Variants in IQGAP2 observed in about 807,000 individuals in gnomAD.
The protein encoded by IQGAP2 is ras GTPase-activating-like protein IQGAP2.
A neutral mutation model predicts 201.3 loss-of-function variants in IQGAP2; 173 were observed. The ratio of observed to expected loss-of-function variants is 0.86; its 90% CI spans 0.76 to 0.98. IQGAP2 has a LOEUF of 0.98. Among genes scored for constraint, IQGAP2 ranks in the 50% least tolerant of loss-of-function variants. The probability of loss-of-function intolerance (pLI) is 0.00; values close to 1 mark genes in which losing one functional copy is unlikely to be tolerated. For missense variants in IQGAP2, 1,687 were observed against 1,864.8 expected (o/e 0.90, Z 1.76); for synonymous variants, 675 against 673.9 (o/e 1.00, Z -0.03).
Position 76,413,156 on chromosome 5 carries a change from C to CTT in IQGAP2, c.46+9594_46+9595dup, listed in dbSNP as rs567410789. 1.6e-3 allele frequency among the ~76,000 whole-genome samples: 135 copies of CTT among 83,674 alleles called. 3 individuals carry two copies. Among genetic ancestry groups the CTT allele is most frequent in the Non-Finnish European group, 1.9e-3 (86 of 46,202 alleles). The allele number at this position is 83,674 out of a possible 152,430, so 54.9% of individuals were successfully genotyped here. A position where few individuals can be genotyped will look rare whatever the true frequency, so the allele number is the denominator to read the frequency against. Reference sequence around the variant, plus strand: ...TATTTTCTTTTTTCTTTTCTTTTCTCTTTTTTTTTTTTTTTTTTTTTTTTT... The same window carrying CTT: ...TATTTTCTTTTTTCTTTTCTTTTCTCTTTTTTTTTTTTTTTTTTTTTTTTTTT... On this transcript the variant is annotated intron_variant, in intron 1 of 35. Coordinates refer to ENST00000274364, the MANE Select transcript of IQGAP2 (RefSeq NM_006633.5).
chr5:76,696,105 T>A (rs1436518439), intron 32 of IQGAP2, among the ~76,000 whole-genome samples: 1 of 152,046 alleles, frequency 6.6e-6, no homozygotes, highest in South Asian at 2.1e-4. Context: ...AAGCAGTTGA[T>A]GACTTTTAAG....
At chr5:76,687,776 G>A (rs1745921746) in intron 30 of IQGAP2, among the ~76,000 whole-genome samples, 1 of 152,212 alleles carries the variant, frequency 6.6e-6, no homozygotes, top group Non-Finnish European at 1.5e-5. Context: ...ATCACCCACA[G>A]ATGGGACTGT....
chr5:76,576,776 C>G (rs1448205904), intron 5 of IQGAP2, among the ~76,000 whole-genome samples: 1 of 152,032 alleles, frequency 6.6e-6, no homozygotes, highest in Non-Finnish European at 1.5e-5. Flanking sequence ...AAATATAGAC[C>G]AAGTGTAGGT....
At chr5:76,406,668 T>C (rs1750811970) in intron 1 of IQGAP2, among the ~76,000 whole-genome samples, 1 of 152,220 alleles carries the variant, frequency 6.6e-6, no homozygotes, top group East Asian at 1.9e-4. Flanking sequence ...CTGTCGTAAG[T>C]TTTGTTCCAG....
intron 2 of IQGAP2, among the ~76,000 whole-genome samples, chr5:76,478,267 G>A (rs987704096): frequency 7.9e-5 from 12 of 151,776 alleles, no homozygotes; most frequent in Admixed American, 1.3e-4. Context: ...CAGGCGTGGT[G>A]GTGCATACCT....
intron 1 of IQGAP2, among the ~76,000 whole-genome samples, chr5:76,428,296 C>G (rs1752128460): frequency 6.6e-6 from 1 of 151,904 alleles, no homozygotes; most frequent in South Asian, 2.1e-4. Flanking sequence ...CTGCTGGGTA[C>G]CTGGGAAGGG....
intron 1 of IQGAP2, among the ~76,000 whole-genome samples, chr5:76,449,066 A>G (rs564656348): frequency 5.9e-5 from 9 of 152,178 alleles, no homozygotes; most frequent in Admixed American, 5.2e-4. Context: ...GTCTCCCTTC[A>G]CCTATTCTGG....
intron 25 of IQGAP2, 47 bp from the exon 26 acceptor site, chr5:76,673,905 T>G (rs745580844): frequency 8.8e-7 from 1 of 1,131,052 alleles, no homozygotes; most frequent in Non-Finnish European, 1.3e-6. Context: ...TTTTCCTCAC[T>G]CCGCCTTTTT....
chr5:76,701,040 A>T (rs468648), intron 33 of IQGAP2, 36 bp from the exon 34 acceptor site: 1 of 1,609,000 alleles, frequency 6.2e-7, no homozygotes, highest in South Asian at 1.1e-5. Flanking sequence ...TGCATTTGCC[A>T]TCATAACAAC....
chr5:76,706,515 T>G (rs1262520400), intron 35 of IQGAP2, among the ~76,000 whole-genome samples: 1 of 152,004 alleles, frequency 6.6e-6, no homozygotes, highest in Non-Finnish European at 1.5e-5. Context: ...GCCCAGCTAA[T>G]TTTTGTATTT....
chr5:76,658,711 A>G (rs887000645), intron 21 of IQGAP2, 44 bp downstream of exon 21: 11 of 1,505,922 alleles, frequency 7.3e-6, no homozygotes, highest in South Asian at 1.1e-5. Flanking sequence ...AAGAGGGAAG[A>G]CGCCTACATA....
intron 1 of IQGAP2, among the ~76,000 whole-genome samples, chr5:76,412,750 T>C (rs1356805136): frequency 6.6e-6 from 1 of 152,202 alleles, no homozygotes; most frequent in Non-Finnish European, 1.5e-5. Flanking sequence ...TTATTGTCTG[T>C]CTAATTAAAG....
chr5:76,581,543 T>C (rs1745850292), intron 5 of IQGAP2, among the ~76,000 whole-genome samples: 1 of 152,186 alleles, frequency 6.6e-6, no homozygotes, highest in South Asian at 2.1e-4. Context: ...CCTCTTTCTG[T>C]CCTAAATTAG....
At chr5:76,433,525 T>C (rs986129074) in intron 1 of IQGAP2, among the ~76,000 whole-genome samples, 5 of 152,166 alleles carry the variant, frequency 3.3e-5, no homozygotes, top group African/African-American at 9.7e-5. Flanking sequence ...CTCCCACCCC[T>C]TCAGACGTAG....
chr5:76,663,041 C>T (rs1743404588), intron 21 of IQGAP2, among the ~76,000 whole-genome samples: 1 of 152,160 alleles, frequency 6.6e-6, no homozygotes, highest in Non-Finnish European at 1.5e-5. Flanking sequence ...CCCAGCTGCT[C>T]AATGGGCTGA....
chr5:76,479,679 G>A (rs1481681091), intron 2 of IQGAP2, among the ~76,000 whole-genome samples: 2 of 152,126 alleles, frequency 1.3e-5, no homozygotes, highest in African/African-American at 4.8e-5. Context: ...TGTGCAAATG[G>A]AGCCCCTCAA....
chr5:76,446,086 C>G (rs114516321), intron 1 of IQGAP2, among the ~76,000 whole-genome samples: 3 of 152,296 alleles, frequency 2.0e-5, no homozygotes, highest in Non-Finnish European at 4.4e-5. Flanking sequence ...ATCTGCTTGT[C>G]TGTTCGTGGA....
At chr5:76,659,323 G>A (rs1310489192) in intron 21 of IQGAP2, among the ~76,000 whole-genome samples, 1 of 152,128 alleles carries the variant, frequency 6.6e-6, no homozygotes, top group Non-Finnish European at 1.5e-5. Flanking sequence ...AATAATAAAA[G>A]CACACATTTT....
chr5:76,512,136 G>A (rs1758006122), intron 2 of IQGAP2, among the ~76,000 whole-genome samples: 1 of 152,172 alleles, frequency 6.6e-6, no homozygotes, highest in Non-Finnish European at 1.5e-5. Context: ...AGAGATAGGG[G>A]TGTGTCAGAG....
Sources: gnomAD v4.1 joint callset for allele counts (sites outside exome capture counted in the v4.1 genomes callset) on GRCh38, gnomAD v4.1.1 for gene constraint, MANE v1.5 for transcripts, NCBI Gene and HGNC (gene_info 2026-07-23, HGNC 2026-07-21) for gene names.